PRUNE1: variants seen among roughly 807,000 people sequenced by gnomAD.
PRUNE1 encodes the protein prune exopolyphosphatase 1, also known as exopolyphosphatase PRUNE1.
Under a neutral mutation model 42.5 loss-of-function variants are expected in PRUNE1, and 25 were observed. The observed-to-expected ratio is 0.59, with a 90% CI of 0.43 to 0.82. The LOEUF is 0.82. Ranked by LOEUF, PRUNE1 falls within the 40% of genes least tolerant of loss-of-function variation. The pLI is 0.00. For missense variants in PRUNE1, 443 were observed against 539.3 expected, an observed-to-expected ratio of 0.82 and a Z score of 1.77; for synonymous variants, 203 against 217.1, an observed-to-expected ratio of 0.93 and a Z score of 0.57.
rs1675052774 is a variant in PRUNE1 at position 151,028,918 on chromosome 1, T to C, written c.907T>C (p.Cys303Arg). The C allele has an allele frequency of 3.7e-6, 6 of 1,613,854 alleles. No individual in the cohort carries two copies. The highest frequency in any genetic ancestry group is 5.1e-6 in the Non-Finnish European group (6 of 1,179,746). Residue 303 changes from cysteine (C) to arginine (R), a missense_variant, in exon 7 of 8, where the codon TGT (cysteine) becomes CGT (arginine). By Grantham distance (180) the Cys-to-Arg change is radical. Transcript: ENST00000271620. Reference protein sequence around the residue: ...NEPVRQLAIFCPHVALQTTIC... With the variant: ...NEPVRQLAIFRPHVALQTTIC... ...GCCAGTGCGGCAGTTGGCTATTTTC[T>C]GTCCCCATGTGGCACTCCAAACAAC...
intron 3 of PRUNE1, among the ~76,000 whole-genome samples, chr1:151,020,527 G>T (rs951770108): frequency 1.3e-5 from 2 of 151,638 alleles, no homozygotes; most frequent in Non-Finnish European, 2.9e-5. Context: ...CTTTGGGAGG[G>T]TGAAACAGGA....
At position 151,033,842 on chromosome 1, in the gene PRUNE1, C is replaced by A. The variant is rs1450773436; in HGVS notation, c.970C>A (p.Leu324Met). The part of the protein sequence containing the change: ...EVLERSHSPP[L>M]KLTPASSTHP... ...CCTGGAACGCTCCCACTCTCCACCC[C>A]TGAAGCTGACCCCTGCCTCAAGTAC... The change falls in exon 8 of 8, where the codon CTG (leucine) becomes ATG (methionine). Residue 324 changes from leucine to methionine, a missense_variant. Coordinates refer to ENST00000271620, the MANE Select transcript of PRUNE1 (RefSeq NM_021222.3). 6.2e-7 allele frequency: 1 copy of A among 1,614,094 alleles called. No homozygotes were observed. Among genetic ancestry groups the A allele is most frequent in the Non-Finnish European group, 8.5e-7 (1 of 1,179,968 alleles).
At chr1:151,032,814 C>A (rs1243440440) in intron 7 of PRUNE1, among the ~76,000 whole-genome samples, 2 of 152,128 alleles carry the variant, frequency 1.3e-5, no homozygotes, top group South Asian at 4.2e-4. Context: ...TGCTTTATTG[C>A]CCAGGCTGGA....
chr1:151,021,859 G>A (rs587616033), intron 3 of PRUNE1, among the ~76,000 whole-genome samples: 5 of 151,372 alleles, frequency 3.3e-5, no homozygotes, highest in South Asian at 4.2e-4. Context: ...GTAGAGATGG[G>A]GCTTCACCAT....
At chr1:151,033,732 G>A (rs1675388484) in intron 7 of PRUNE1, 74 bp from the exon 8 acceptor site, 1 of 1,404,820 alleles carries the variant, frequency 7.1e-7, no homozygotes, top group Admixed American at 2.0e-5. Context: ...TATAGAGGAA[G>A]CCTCTCACTT....
At chr1:151,009,956 C>G in intron 1 of PRUNE1, among the ~76,000 whole-genome samples, 1 of 152,196 alleles carries the variant, frequency 6.6e-6, no homozygotes, top group East Asian at 1.9e-4. Context: ...ACCCAAATGA[C>G]TGGTCTCTTC....
intron 3 of PRUNE1, among the ~76,000 whole-genome samples, chr1:151,020,346 G>A (rs1210326354): frequency 2.6e-5 from 4 of 151,878 alleles, no homozygotes; most frequent in African/African-American, 9.7e-5. Flanking sequence ...AGCTACTTAG[G>A]AGGCTGCTGA....
rs1014327023 is a variant in PRUNE1 at position 151,028,953 on chromosome 1, G to T, written c.933+9G>T. 2 of 1,608,724 alleles carry T rather than the reference G, an allele frequency of 1.2e-6. No homozygotes were observed. Among genetic ancestry groups the T allele is most frequent in the East Asian group, 4.5e-5 (2 of 44,854 alleles). ...TGGCACTCCAAACAACGGTGAGTCTGTGTCCCTTCTCCAACCTAAGAGCCT... is the reference window on the plus strand; with the variant it reads ...TGGCACTCCAAACAACGGTGAGTCTTTGTCCCTTCTCCAACCTAAGAGCCT... On this transcript the variant is annotated intron_variant, in intron 7 of 7. Coordinates refer to ENST00000271620, the MANE Select transcript of PRUNE1 (RefSeq NM_021222.3).
intron 3 of PRUNE1, among the ~76,000 whole-genome samples, chr1:151,023,829 A>G (rs1384533803): frequency 6.6e-6 from 1 of 152,118 alleles, no homozygotes; most frequent in Admixed American, 6.6e-5. Flanking sequence ...AGATATTTGC[A>G]GCAGATGCTT....
Position 151,027,442 on chromosome 1 carries a change from T to G in PRUNE1, c.774+115T>G, listed in dbSNP as rs1674922351. On this transcript the variant is annotated intron_variant, in intron 6 of 7. Transcript: ENST00000271620. ...CTCCAAAATGTATCTTGTGTCTATC[T>G]TTGTCTCTACCTCCACTGTGACCAC... 4 of 719,012 alleles carry G rather than the reference T, an allele frequency of 5.6e-6. No individual in the cohort carries two copies. The Admixed American group carries it at 8.7e-5, about 16-fold the overall frequency. The allele number at this position is 719,012 out of a possible 1,614,324, so 44.5% of individuals were successfully genotyped here. A position where few individuals can be genotyped will look rare whatever the true frequency, so the allele number is the denominator to read the frequency against.
chr1:151,033,736 C>G, intron 7 of PRUNE1, 70 bp from the exon 8 acceptor site: 2 of 1,448,498 alleles, frequency 1.4e-6, no homozygotes, highest in Non-Finnish European at 9.5e-7. Context: ...GAGGAAGCCT[C>G]TCACTTAGAA....
chr1:151,030,252 A>T (rs1164859327), intron 7 of PRUNE1, among the ~76,000 whole-genome samples: 1 of 133,240 alleles, frequency 7.5e-6, no homozygotes, highest in East Asian at 2.2e-4. Flanking sequence ...ACAGAGCAAG[A>T]CTCCGTCTCC....
rs1393659661 is a variant in PRUNE1, at chr1:151,018,582, T to C, written c.248T>C (p.Leu83Ser). ...LQKVHIPESILIFRDEIDLHA... is the reference protein window; with the variant it reads ...LQKVHIPESISIFRDEIDLHA... Reference sequence around the variant, plus strand: ...AAGGTTCATATTCCAGAGAGTATCTTGATTTTTCGGGATGAGATTGACCTC... The same window carrying C: ...AAGGTTCATATTCCAGAGAGTATCTCGATTTTTCGGGATGAGATTGACCTC... Residue 83 changes from leucine to serine, a missense_variant, in exon 3 of 8, where the codon TTG becomes TCG. Transcript: ENST00000271620. 1 of 1,614,190 alleles carries C rather than the reference T, an allele frequency of 6.2e-7. No homozygotes were observed.
chr1:151,032,725 A>AAG (rs1675310928), intron 7 of PRUNE1, among the ~76,000 whole-genome samples: 1 of 151,660 alleles, frequency 6.6e-6, no homozygotes. Flanking sequence ...AAAAAAAAAA[A>AAG]AAATACTGTG....
intron 5 of PRUNE1, 55 bp from the exon 6 acceptor site, chr1:151,027,178 G>C: frequency 7.4e-7 from 1 of 1,357,456 alleles, no homozygotes; most frequent in South Asian, 1.2e-5. Context: ...TGCCTTCTTG[G>C]TCTTGGGACC....
intron 1 of PRUNE1, among the ~76,000 whole-genome samples, chr1:151,016,074 C>CA (rs1674088524): frequency 6.6e-6 from 1 of 151,712 alleles, no homozygotes; most frequent in Non-Finnish European, 1.5e-5. Context: ...CCATCTCTAC[C>CA]AAAAATACAA....
chr1:151,022,582 G>A lies in PRUNE1; in HGVS notation c.336-2029G>A, dbSNP rs1284007309. ...TACAGGTGTGCCCGCCACCACACCT[G>A]GCTAATTTTTGTATTTTTAGTAGAG... On this transcript the variant is annotated intron_variant, in intron 3 of 7. Coordinates refer to ENST00000271620, the MANE Select transcript of PRUNE1 (RefSeq NM_021222.3). 2.6e-5 allele frequency among the ~76,000 whole-genome samples: 4 copies of A among 150,948 alleles called. No homozygotes were observed. The South Asian group carries it at 6.3e-4, about 24-fold the overall frequency.
chr1:151,027,898 G>A (rs752464271), intron 6 of PRUNE1, among the ~76,000 whole-genome samples: 5 of 152,124 alleles, frequency 3.3e-5, no homozygotes, highest in Non-Finnish European at 5.9e-5. Flanking sequence ...TTATAGGCGT[G>A]AGCCACTGTG....
At chr1:151,022,117 T>C (rs866641428) in intron 3 of PRUNE1, among the ~76,000 whole-genome samples, 6,218 of 150,270 alleles carry the variant, frequency 0.041, 437 homozygotes, top group African/African-American at 0.14. Flanking sequence ...AATTTTTTTT[T>C]TTTTTTTTTT....
Sources: allele counts gnomAD v4.1 joint callset (sites outside exome capture counted in the v4.1 genomes callset), GRCh38; gene constraint gnomAD v4.1.1; transcripts MANE v1.5; gene names NCBI Gene and HGNC (gene_info 2026-07-23, HGNC 2026-07-21).